MGAM2: variants seen among roughly 807,000 people sequenced by gnomAD.
MGAM2 encodes probable maltase-glucoamylase 2.
In MGAM2, 98 loss-of-function variants were observed where a neutral mutation model predicts 96.1. The ratio of observed to expected loss-of-function variants is 1.02; its 90% CI spans 0.87 to 1.21. MGAM2 has a LOEUF of 1.21. Among genes scored for constraint, MGAM2 ranks in the 50% most tolerant of loss-of-function variants. The probability of loss-of-function intolerance (pLI) is 0.00; values close to 1 mark genes in which losing one functional copy is unlikely to be tolerated. For missense variants in MGAM2, 2,055 were observed against 1,182.4 expected, an observed-to-expected ratio of 1.74 and a Z score of -10.82; for synonymous variants, 749 against 414.8, an observed-to-expected ratio of 1.81 and a Z score of -9.79.
Position 142,170,135 on chromosome 7 carries a change from C to G in MGAM2, c.3088C>G (p.Pro1030Ala). Residue 1030 changes from proline to alanine, a missense_variant, in exon 27 of 48, where the codon CCA becomes GCA. By Grantham distance (27) the Pro-to-Ala change is conservative (BLOSUM62 -1). Coordinates refer to ENST00000477922, the MANE Select transcript of MGAM2 (RefSeq NM_001293626.2). Reference sequence around the variant, plus strand: ...AGTACCACTGAACACCCCTCCCCAACCAGTTGGTGACCCTGAAAACCGTCT... The same window carrying G: ...AGTACCACTGAACACCCCTCCCCAAGCAGTTGGTGACCCTGAAAACCGTCT... ...VPVPLNTPPQ[P>A]VGDPENRLYD... 1 of 702,892 alleles carries G rather than the reference C, an allele frequency of 1.4e-6. No individual in the cohort carries two copies. Among genetic ancestry groups the G allele is most frequent in the South Asian group, 1.5e-5 (1 of 67,596 alleles). 43.5% of individuals were successfully genotyped at this position (702,892 alleles called of 1,614,324 possible).
At chr7:142,161,023 T>A in intron 21 of MGAM2, 102 bp from the exon 22 acceptor site, 1 of 623,220 alleles carries the variant, frequency 1.6e-6, no homozygotes, top group South Asian at 1.8e-5. Context: ...CAGTTTCTGG[T>A]ATAGACTCTT....
At chr7:142,152,732 T>A (rs762881568) in intron 15 of MGAM2, among the ~76,000 whole-genome samples, 1 of 152,204 alleles carries the variant, frequency 6.6e-6, no homozygotes, top group Admixed American at 6.5e-5. Context: ...AACTGTGGCG[T>A]GGCTCAGGTC....
intron 36 of MGAM2, 54 bp downstream of exon 36, chr7:142,187,888 G>T: frequency 1.5e-6 from 1 of 683,984 alleles, no homozygotes; most frequent in Non-Finnish European, 2.7e-6. Context: ...GACTCCAAAA[G>T]TTTTCCTTTT....
intron 15 of MGAM2, among the ~76,000 whole-genome samples, chr7:142,150,225 G>A (rs1340993676): frequency 3.3e-5 from 5 of 152,176 alleles, no homozygotes; most frequent in Non-Finnish European, 7.3e-5. Flanking sequence ...GCAGGCATGA[G>A]CCACCACGCC....
intron 6 of MGAM2, among the ~76,000 whole-genome samples, chr7:142,133,711 G>A (rs573846017): frequency 3.3e-5 from 5 of 152,224 alleles, no homozygotes; most frequent in African/African-American, 9.6e-5. Flanking sequence ...GCGGTGCCTG[G>A]TATGTAGTAG....
At chr7:142,114,130 C>CA (rs1330943876) in intron 1 of MGAM2, among the ~76,000 whole-genome samples, 3 of 83,598 alleles carry the variant, frequency 3.6e-5, no homozygotes, top group South Asian at 3.9e-4. Flanking sequence ...GACTCCATCT[C>CA]AAAAAAAGAA....
At chr7:142,141,222 C>T in intron 12 of MGAM2, 103 bp downstream of exon 12, 1 of 624,152 alleles carries the variant, frequency 1.6e-6, no homozygotes, top group Non-Finnish European at 2.8e-6. Flanking sequence ...TTACTGTTTT[C>T]ATGGCTTTAG....
In MGAM2 at chr7:142,189,520, G is replaced by T; in HGVS notation, c.4346+15G>T. 6.8e-6 allele frequency: 5 copies of T among 736,210 alleles called. No homozygotes were observed. Among genetic ancestry groups the T allele is most frequent in the Non-Finnish European group, 9.4e-6 (4 of 423,906 alleles). The allele number at this position is 736,210 out of a possible 1,614,324, so 45.6% of individuals were successfully genotyped here. On this transcript the variant is annotated intron_variant, in intron 37 of 47. Transcript: ENST00000477922. The stretch of plus-strand genomic sequence containing the variant: ...CCCACATACGAGTGAGTGTCTTTTT[G>T]TCACAGCAGCAAAGATAATTTTCCA...
chr7:142,207,268 G>T (rs935293469), intron 45 of MGAM2, among the ~76,000 whole-genome samples: 1 of 152,118 alleles, frequency 6.6e-6, no homozygotes, highest in Non-Finnish European at 1.5e-5. Context: ...GAGATATTTA[G>T]ATTTTATATA....
chr7:142,210,058 G>A (rs746512627), intron 46 of MGAM2, among the ~76,000 whole-genome samples: 4 of 152,126 alleles, frequency 2.6e-5, no homozygotes, highest in Admixed American at 6.5e-5. Flanking sequence ...GTCCACAGAG[G>A]GCGAGGAGAA....
intron 32 of MGAM2, among the ~76,000 whole-genome samples, chr7:142,178,829 T>C (rs1435201966): frequency 1.3e-5 from 2 of 152,214 alleles, no homozygotes; most frequent in Middle Eastern, 3.2e-3. Flanking sequence ...TTAATAGATA[T>C]AGCATTGAAT....
At chr7:142,113,694 A>G (rs1329294213) in intron 1 of MGAM2, among the ~76,000 whole-genome samples, 7 of 152,162 alleles carry the variant, frequency 4.6e-5, no homozygotes, top group Admixed American at 3.9e-4. Context: ...GCAGTTGAAT[A>G]TATGAATCTA....
chr7:142,173,417 T>C, intron 31 of MGAM2, 63 bp downstream of exon 31: 1 of 691,614 alleles, frequency 1.4e-6, no homozygotes, highest in Non-Finnish European at 2.6e-6. Context: ...TAATTTTATA[T>C]TAGAAGTGCT....
intron 37 of MGAM2, among the ~76,000 whole-genome samples, chr7:142,192,370 C>A (rs1253390764): frequency 1.3e-5 from 2 of 152,084 alleles, no homozygotes; most frequent in African/African-American, 2.4e-5. Context: ...GAAATACACA[C>A]AAAACAAATA....
In MGAM2 at chr7:142,148,337, G is replaced by A. The variant is rs938442238; in HGVS notation, c.1634+764G>A. On this transcript the variant is annotated intron_variant, in intron 15 of 47. Transcript: ENST00000477922. This position sits in a 1 kb window ranked among gnomAD's most constrained non-coding sequence, Gnocchi z 4.2. ...ACCATTCACCATCACCATCATAACC[G>A]CTACCACTACCATCACCACCACCAC... is the stretch of plus-strand genomic sequence containing the variant. Among the ~76,000 whole-genome samples, 4 of 140,762 alleles carry A rather than the reference G, an allele frequency of 2.8e-5. No homozygotes were observed. Among genetic ancestry groups the A allele is most frequent in the South Asian group, 2.3e-4 (1 of 4,342 alleles). 92.3% of individuals were successfully genotyped at this position (140,762 alleles called of 152,430 possible). A position where few individuals can be genotyped will look rare whatever the true frequency, so the allele number is the denominator to read the frequency against.
At position 142,159,362 on chromosome 7, in the gene MGAM2, G is replaced by T. The variant is rs1795825638; in HGVS notation, c.2220+19G>T. The T allele has an allele frequency of 1.4e-6, 1 of 702,044 alleles. No individual in the cohort carries two copies. Among genetic ancestry groups the T allele is most frequent in the African/African-American group, 1.7e-5 (1 of 57,222 alleles). 43.5% of individuals were successfully genotyped at this position (702,044 alleles called of 1,614,324 possible). On this transcript the variant is annotated intron_variant, in intron 20 of 47. Coordinates refer to ENST00000477922, the MANE Select transcript of MGAM2 (RefSeq NM_001293626.2). ...TGAGACAGTAAGTAAGGCAGCCCTG[G>T]TTGGCTCACAGACCTGCCTCTAGCA... is the stretch of plus-strand genomic sequence containing the variant.
At chr7:142,170,984 C>T (rs1242068895) in intron 27 of MGAM2, among the ~76,000 whole-genome samples, 1 of 152,122 alleles carries the variant, frequency 6.6e-6, no homozygotes, top group Non-Finnish European at 1.5e-5. Flanking sequence ...GCTGATATTC[C>T]AGGCACTGAG....
At chr7:142,113,148 G>C (rs549849291) in intron 1 of MGAM2, among the ~76,000 whole-genome samples, 9 of 152,270 alleles carry the variant, frequency 5.9e-5, no homozygotes, top group Admixed American at 2.0e-4. Flanking sequence ...GAGAAGAGCA[G>C]GGAGGCAGGG....
At chr7:142,169,802 A>G (rs1181419869) in intron 26 of MGAM2, among the ~76,000 whole-genome samples, 1 of 152,122 alleles carries the variant, frequency 6.6e-6, no homozygotes, top group Non-Finnish European at 1.5e-5. Context: ...CACACATTCT[A>G]TTTATGAAAT....
Sources: gnomAD v4.1 joint callset for allele counts (sites outside exome capture counted in the v4.1 genomes callset) on GRCh38, gnomAD v4.1.1 for gene constraint, Gnocchi (gnomAD v3.1) non-coding constraint, MANE v1.5 for transcripts, NCBI Gene and HGNC (gene_info 2026-07-23, HGNC 2026-07-21) for gene names.